RNF222: variants seen among roughly 807,000 people sequenced by gnomAD.
RNF222 encodes the protein RING finger protein LOC643904.
In RNF222, 14 loss-of-function variants were observed where a neutral mutation model predicts 10.8. The observed-to-expected ratio is 1.30, with a 90% CI of 0.86 to 2.03. The LOEUF (loss-of-function observed/expected upper bound fraction) is 2.03. Among genes scored for constraint, RNF222 ranks in the 30% most tolerant of loss-of-function variants. The probability of loss-of-function intolerance (pLI) is 0.00; values close to 1 mark genes in which losing one functional copy is unlikely to be tolerated. For missense variants in RNF222, 298 were observed against 295.8 expected (o/e 1.01, Z -0.06); for synonymous variants, 141 against 142.5 (o/e 0.99, Z 0.07).
chr17:8,392,606 T>G lies in RNF222; in HGVS notation c.*193A>C. 1 of 642,806 alleles carries G rather than the reference T, an allele frequency of 1.6e-6. No individual in the cohort carries two copies. Among genetic ancestry groups the G allele is most frequent in the South Asian group, 2.0e-5 (1 of 50,762 alleles). The allele number at this position is 642,806 out of a possible 1,614,324, so 39.8% of individuals were successfully genotyped here. A position where few individuals can be genotyped will look rare whatever the true frequency, so the allele number is the denominator to read the frequency against. On this transcript the variant is annotated 3_prime_UTR_variant, in exon 3 of 3. Coordinates refer to ENST00000399398, the MANE Select transcript of RNF222 (RefSeq NM_001146684.3). The surrounding 1 kb of genome is among the most constrained non-coding windows in gnomAD (Gnocchi z 4.3). ...ACGTGGGGAACACGCGCCGCGCGCATGGAGTCAGCTCCAGCCTCTCTGTCG... is the reference window on the plus strand; with the variant it reads ...ACGTGGGGAACACGCGCCGCGCGCAGGGAGTCAGCTCCAGCCTCTCTGTCG...
In RNF222 at chr17:8,390,733, A is replaced by G. The variant is rs1907795286; in HGVS notation, c.*2066T>C. 6.6e-6 allele frequency: 1 copy of G among 152,244 alleles called. No homozygotes were observed. Among genetic ancestry groups the G allele is most frequent in the Non-Finnish European group, 1.5e-5 (1 of 68,044 alleles). The allele number at this position is 152,244 out of a possible 1,614,324, so 9.4% of individuals were successfully genotyped here. ...AGAAAATATATACCTTTATTTTAAA[A>G]ATAGCTTTTGGCATTCTCTGACAAT... On this transcript the variant is annotated 3_prime_UTR_variant, in exon 3 of 3. Coordinates refer to ENST00000399398, the MANE Select transcript of RNF222 (RefSeq NM_001146684.3).
At chr17:8,397,438 C>A (rs1022030346) in intron 1 of RNF222, among the ~76,000 whole-genome samples, 6 of 152,140 alleles carry the variant, frequency 3.9e-5, no homozygotes, top group Non-Finnish European at 8.8e-5. Context: ...AAAACACCCC[C>A]CATCCCCACC....
intron 1 of RNF222, among the ~76,000 whole-genome samples, chr17:8,395,938 G>A (rs987161785): frequency 6.6e-6 from 1 of 152,056 alleles, no homozygotes; most frequent in Admixed American, 6.6e-5. Context: ...CTAATTATTC[G>A]ACACATATTT....
rs1293484948 is a variant in RNF222, at chr17:8,393,494, C to T, written c.-25-8G>A. On this transcript the variant is annotated splice_polypyrimidine_tract_variant and splice_region_variant and intron_variant, in intron 2 of 2. Coordinates refer to ENST00000399398, the MANE Select transcript of RNF222 (RefSeq NM_001146684.3). Reference sequence around the variant, plus strand: ...GGGAGATGGCACGCTCAGCTGTGGACGGGAAGGGTTGTGAATATTGGGGCA... The same window carrying T: ...GGGAGATGGCACGCTCAGCTGTGGATGGGAAGGGTTGTGAATATTGGGGCA... The T allele has an allele frequency of 1.7e-5, 26 of 1,521,950 alleles. No homozygotes were observed. The highest frequency in any genetic ancestry group is 1.6e-4 in the Admixed American group (8 of 49,140). The allele number at this position is 1,521,950 out of a possible 1,614,324, so 94.3% of individuals were successfully genotyped here. A position where few individuals can be genotyped will look rare whatever the true frequency, so the allele number is the denominator to read the frequency against.
At chr17:8,397,020 AAAT>A (rs1355970449) in intron 1 of RNF222, among the ~76,000 whole-genome samples, 5 of 152,156 alleles carry the variant, frequency 3.3e-5, no homozygotes, top group African/African-American at 1.2e-4. Flanking sequence ...AGCTAATAAT[AAAT>A]AATTATTATT....
intron 1 of RNF222, among the ~76,000 whole-genome samples, chr17:8,395,468 T>C (rs1908010700): frequency 6.6e-6 from 1 of 152,224 alleles, no homozygotes; most frequent in African/African-American, 2.4e-5. Flanking sequence ...TCAGAGTAAG[T>C]GCTCAGTAAA....
At position 8,393,235 on chromosome 17, in the gene RNF222, C is replaced by A. The variant is rs556658999; in HGVS notation, c.227G>T (p.Arg76Leu). ...GCTCTTGTCCAGCATGGAGGGCCAGCGGGAGCTCTTCTTGCTGAGGAATGT... is the reference window on the plus strand; with the variant it reads ...GCTCTTGTCCAGCATGGAGGGCCAGAGGGAGCTCTTCTTGCTGAGGAATGT... ...YVTFLSKKSSRWPSMLDKSSQ... is the reference protein window; with the variant it reads ...YVTFLSKKSSLWPSMLDKSSQ... Residue 76 changes from arginine to leucine, a missense_variant, in exon 3 of 3, where the codon CGC becomes CTC. Transcript: ENST00000399398. 1 of 1,551,002 alleles carries A rather than the reference C, an allele frequency of 6.4e-7. No individual in the cohort carries two copies. Among genetic ancestry groups the A allele is most frequent in the South Asian group, 1.2e-5 (1 of 84,064 alleles).
chr17:8,395,907 T>G (rs1285682212), intron 1 of RNF222, among the ~76,000 whole-genome samples: 2 of 152,216 alleles, frequency 1.3e-5, no homozygotes, highest in African/African-American at 4.8e-5. Context: ...GTTCCATCCT[T>G]CTATCCATCC....
In RNF222 at chr17:8,393,210, G is replaced by A. The variant is rs538325980; in HGVS notation, c.252C>T (p.Ser84=). ...CCACGGGCACAGCCAGCGTCTGGGAGCTCTTGTCCAGCATGGAGGGCCAGC... is the reference window on the plus strand; with the variant it reads ...CCACGGGCACAGCCAGCGTCTGGGAACTCTTGTCCAGCATGGAGGGCCAGC... ...SSRWPSMLDK[S]SQTLAVPVGL... The change falls in exon 3 of 3, where the codon AGC becomes AGT. Residue 84 remains serine (S), a synonymous_variant. Transcript: ENST00000399398. 55 of 1,550,864 alleles carry A rather than the reference G, an allele frequency of 3.5e-5. No individual in the cohort carries two copies. In the African/African-American group the frequency reaches 5.9e-4, roughly 17 times the overall value.
intron 2 of RNF222, 73 bp from the exon 3 acceptor site, chr17:8,393,559 C>T: frequency 6.8e-7 from 1 of 1,461,600 alleles, no homozygotes; most frequent in Non-Finnish European, 9.0e-7. Flanking sequence ...CCACCTACAC[C>T]TCTGCCTCCA....
intron 2 of RNF222, among the ~76,000 whole-genome samples, 154 bp from the exon 3 acceptor site, chr17:8,393,640 C>A (rs768093557): frequency 1.3e-5 from 2 of 152,172 alleles, no homozygotes; most frequent in African/African-American, 2.4e-5. Flanking sequence ...TTCTGCTGCT[C>A]CTCCTCTATG....
At position 8,392,908 on chromosome 17, in the gene RNF222, C is replaced by T. The variant is rs1403920920; in HGVS notation, c.554G>A (p.Arg185His). Reference protein sequence around the residue: ...SEASLAPRSARAFCCRSRALL... With the variant: ...SEASLAPRSAHAFCCRSRALL... ...GGCCCGCGATCGGCAGCAGAAGGCG[C>T]GGGCGGAGCGGGGCGCCAGGGAGGC... Residue 185 changes from arginine (R) to histidine (H), a missense_variant, in exon 3 of 3, where the codon CGC becomes CAC. By Grantham distance (29) the Arg-to-His change is conservative. Transcript: ENST00000399398. The surrounding 1 kb of genome is among the most constrained non-coding windows in gnomAD (Gnocchi z 4.3). 2.0e-6 allele frequency: 3 copies of T among 1,531,608 alleles called. No individual in the cohort carries two copies. The highest frequency in any genetic ancestry group is 4.0e-5 in the Admixed American group (2 of 50,626). The allele number at this position is 1,531,608 out of a possible 1,614,324, so 94.9% of individuals were successfully genotyped here. A position where few individuals can be genotyped will look rare whatever the true frequency, so the allele number is the denominator to read the frequency against.
chr17:8,392,896 C>T lies in RNF222; in HGVS notation c.566G>A (p.Cys189Tyr). The change falls in exon 3 of 3, where the codon TGC becomes TAC. Residue 189 changes from cysteine (C) to tyrosine (Y), a missense_variant. Physicochemically the swap from Cys to Tyr is radical, Grantham distance 194 (BLOSUM62 -2). Coordinates refer to ENST00000399398, the MANE Select transcript of RNF222 (RefSeq NM_001146684.3). This position sits in a 1 kb window ranked among gnomAD's most constrained non-coding sequence, Gnocchi z 4.3. Reference sequence around the variant, plus strand: ...GATGAGCAGCAGGGCCCGCGATCGGCAGCAGAAGGCGCGGGCGGAGCGGGG... The same window carrying T: ...GATGAGCAGCAGGGCCCGCGATCGGTAGCAGAAGGCGCGGGCGGAGCGGGG... ...LAPRSARAFC[C>Y]RSRALLLITL... The T allele has an allele frequency of 6.5e-7, 1 of 1,532,928 alleles. No homozygotes were observed. Among genetic ancestry groups the T allele is most frequent in the Non-Finnish European group, 8.7e-7 (1 of 1,145,774 alleles). 95.0% of individuals were successfully genotyped at this position (1,532,928 alleles called of 1,614,324 possible). A position where few individuals can be genotyped will look rare whatever the true frequency, so the allele number is the denominator to read the frequency against.
chr17:8,396,294 C>T (rs746442372), intron 1 of RNF222, among the ~76,000 whole-genome samples: 2 of 152,066 alleles, frequency 1.3e-5, no homozygotes, highest in Non-Finnish European at 2.9e-5. Flanking sequence ...GGGAGTTAAC[C>T]GAGACAGAGA....
chr17:8,391,037 T>C lies in RNF222; in HGVS notation c.*1762A>G, dbSNP rs1907804851. ...ACCTGTGCTCTTCTGTAATTTTTTTTTTTTTTTAGACAGAGTCTCGCTCTG... is the reference window on the plus strand; with the variant it reads ...ACCTGTGCTCTTCTGTAATTTTTTTCTTTTTTTAGACAGAGTCTCGCTCTG... On this transcript the variant is annotated 3_prime_UTR_variant, in exon 3 of 3. Coordinates refer to ENST00000399398, the MANE Select transcript of RNF222 (RefSeq NM_001146684.3). 1 of 152,120 alleles carries C rather than the reference T, an allele frequency of 6.6e-6. No homozygotes were observed. The highest frequency in any genetic ancestry group is 2.4e-5 in the African/African-American group (1 of 41,418). 9.4% of individuals were successfully genotyped at this position (152,120 alleles called of 1,614,324 possible). A position where few individuals can be genotyped will look rare whatever the true frequency, so the allele number is the denominator to read the frequency against.
At position 8,393,434 on chromosome 17, in the gene RNF222, A is replaced by C. The variant is rs1907935616; in HGVS notation, c.28T>G (p.Ser10Ala). The change falls in exon 3 of 3, where the codon TCG (serine) becomes GCG (alanine). Residue 10 changes from serine to alanine, a missense_variant. By Grantham distance (99) the Ser-to-Ala change is moderately conservative (BLOSUM62 1). Transcript: ENST00000399398. MSEGESKDS[S>A]GSECPVCYEK... is the part of the protein sequence containing the mutation. ...TAGCACACGGGGCACTCACTGCCCG[A>C]GCTGTCCTTGCTCTCCCCTTCTGAC... 1 of 1,550,912 alleles carries C rather than the reference A, an allele frequency of 6.4e-7. No individual in the cohort carries two copies. Among genetic ancestry groups the C allele is most frequent in the Middle Eastern group, 1.7e-4 (1 of 5,992 alleles).
Position 8,393,394 on chromosome 17 carries a change from T to TCC in RNF222, c.66_67dup (p.Asp23GlyfsTer10). 6.4e-7 allele frequency: 1 copy of TCC among 1,551,580 alleles called. No individual in the cohort carries two copies. Among genetic ancestry groups the TCC allele is most frequent in the Non-Finnish European group, 8.7e-7 (1 of 1,146,954 alleles). On this transcript the variant is annotated frameshift_variant, in exon 3 of 3. Transcript: ENST00000399398. LOFTEE classifies it high-confidence loss of function. The stretch of plus-strand genomic sequence containing the variant: ...CAGCGTCCGGCTGGCGCCCTCCAGG[T>TCC]CCCGGAACTTCTCATAGCACACGGG...
rs192949616 is a variant in RNF222, at chr17:8,393,264, G to T, written c.198C>A (p.Tyr66Ter). ...QRTLVCPICR[Y>*]VTFLSKKSSR... ...AGCTCTTCTTGCTGAGGAATGTGAC[G>T]TAGCGGCAGATGGGGCAGACCAGGG... is the stretch of plus-strand genomic sequence containing the variant. The change falls in exon 3 of 3, where the codon TAC becomes TAA. Residue 66 changes from tyrosine (Y) to a stop codon, truncating the protein, a stop_gained. Coordinates refer to ENST00000399398, the MANE Select transcript of RNF222 (RefSeq NM_001146684.3). LOFTEE classifies it high-confidence loss of function. 1 of 1,551,216 alleles carries T rather than the reference G, an allele frequency of 6.4e-7. No individual in the cohort carries two copies. Among genetic ancestry groups the T allele is most frequent in the Admixed American group, 2.0e-5 (1 of 50,990 alleles).
In RNF222 at chr17:8,392,119, G is replaced by T. The variant is rs1428117728; in HGVS notation, c.*680C>A. The T allele has an allele frequency of 6.6e-6, 1 of 152,350 alleles. No individual in the cohort carries two copies. Among genetic ancestry groups the T allele is most frequent in the Admixed American group, 6.5e-5 (1 of 15,274 alleles). The allele number at this position is 152,350 out of a possible 1,614,324, so 9.4% of individuals were successfully genotyped here. A position where few individuals can be genotyped will look rare whatever the true frequency, so the allele number is the denominator to read the frequency against. ...TCCGTTCGTGGGGCACTCTGCTGGGGTGGCCTCTATCAACCAACCCCTGTC... is the reference window on the plus strand; with the variant it reads ...TCCGTTCGTGGGGCACTCTGCTGGGTTGGCCTCTATCAACCAACCCCTGTC... On this transcript the variant is annotated 3_prime_UTR_variant, in exon 3 of 3. Transcript: ENST00000399398. This position sits in a 1 kb window ranked among gnomAD's most constrained non-coding sequence, Gnocchi z 4.3.
Sources: gnomAD v4.1 joint callset for allele counts (sites outside exome capture counted in the v4.1 genomes callset) on GRCh38, gnomAD v4.1.1 for gene constraint, Gnocchi (gnomAD v3.1) non-coding constraint, MANE v1.5 for transcripts, NCBI Gene and HGNC (gene_info 2026-07-23, HGNC 2026-07-21) for gene names.